EHBP1: variants seen among roughly 807,000 people sequenced by gnomAD.
EHBP1 encodes EH domain binding protein 1.
A neutral mutation model predicts 144.0 loss-of-function variants in EHBP1; 55 were observed. The observed-to-expected ratio is 0.38, with a 90% CI of 0.31 to 0.48. EHBP1 has a LOEUF of 0.48. EHBP1 is among the 20% of genes least tolerant of loss of function. EHBP1 has a pLI of 0.98. For synonymous variants in EHBP1, 469 were observed against 472.7 expected (o/e 0.99, Z 0.10); for missense variants, 1,200 against 1,364.2 (o/e 0.88, Z 1.90).
intron 10 of EHBP1, among the ~76,000 whole-genome samples, chr2:62,908,775 T>C (rs1308763576): frequency 6.6e-6 from 1 of 152,218 alleles, no homozygotes; most frequent in African/African-American, 2.4e-5. Context: ...ATTTATCTCA[T>C]GATTTAAACT....
chr2:62,872,146 T>C (rs1330692222), intron 9 of EHBP1: 1 of 152,140 alleles, frequency 6.6e-6, no homozygotes, highest in Admixed American at 6.5e-5. Flanking sequence ...ATTTTTCCAG[T>C]ATGTTTAAAT....
chr2:62,754,322 C>T (rs756400547), intron 3 of EHBP1, among the ~76,000 whole-genome samples: 1 of 152,146 alleles, frequency 6.6e-6, no homozygotes, highest in Non-Finnish European at 1.5e-5. Flanking sequence ...TGCTGAACAG[C>T]AAATGTTGCT....
chr2:62,873,979 T>G (rs1297959228), intron 9 of EHBP1, among the ~76,000 whole-genome samples: 1 of 152,160 alleles, frequency 6.6e-6, no homozygotes, highest in Non-Finnish European at 1.5e-5. Context: ...GTAACAGAGC[T>G]CGAGCTTAAA....
At chr2:62,824,349 T>G (rs769124971) in intron 5 of EHBP1, among the ~76,000 whole-genome samples, 2 of 152,010 alleles carry the variant, frequency 1.3e-5, no homozygotes, top group Non-Finnish European at 2.9e-5. Flanking sequence ...AAACAGAGGC[T>G]TTAAATCCTA....
At chr2:62,951,029 T>C (rs1488384799) in intron 13 of EHBP1, among the ~76,000 whole-genome samples, 1 of 152,194 alleles carries the variant, frequency 6.6e-6, no homozygotes, top group African/African-American at 2.4e-5. Context: ...GTCTCTGGGA[T>C]TTTCTTCCAA....
chr2:62,715,605 T>C (rs2035596859), intron 2 of EHBP1, among the ~76,000 whole-genome samples: 1 of 152,186 alleles, frequency 6.6e-6, no homozygotes, highest in African/African-American at 2.4e-5. Flanking sequence ...GGGGAATTGA[T>C]GTGTACAACT....
chr2:63,012,802 A>G (rs2060324106), intron 19 of EHBP1, among the ~76,000 whole-genome samples: 1 of 152,168 alleles, frequency 6.6e-6, no homozygotes, highest in South Asian at 2.1e-4. Flanking sequence ...AGCTGTTGAC[A>G]TTCTTTTGGG....
intron 14 of EHBP1, among the ~76,000 whole-genome samples, chr2:62,958,170 G>A (rs770154206): frequency 1.3e-4 from 20 of 152,100 alleles, no homozygotes; most frequent in Non-Finnish European, 2.2e-4. Flanking sequence ...TGCTTATGAA[G>A]CTAAACATAC....
intron 10 of EHBP1, among the ~76,000 whole-genome samples, chr2:62,921,503 C>T (rs2055079352): frequency 6.7e-6 from 1 of 148,800 alleles, no homozygotes; most frequent in South Asian, 2.1e-4. Flanking sequence ...AACAAAAGAA[C>T]ATACGCTAAA....
intron 1 of EHBP1, among the ~76,000 whole-genome samples, chr2:62,696,675 G>A (rs940213156): frequency 6.6e-5 from 10 of 151,272 alleles, no homozygotes; most frequent in South Asian, 2.1e-4. Context: ...CACCAGGCCC[G>A]GCTAATTTTT....
chr2:62,821,202 A>G (rs923117650), intron 5 of EHBP1, among the ~76,000 whole-genome samples: 2 of 152,164 alleles, frequency 1.3e-5, no homozygotes, highest in Non-Finnish European at 2.9e-5. Context: ...AGAAAGGATT[A>G]CATTTCTATC....
rs956822293 is a variant in EHBP1, at chr2:62,899,930, G to A, written c.1185+25398G>A. Among the ~76,000 whole-genome samples, 140 of 152,304 alleles carry A rather than the reference G, an allele frequency of 9.2e-4. 1 individual carries two copies. The highest frequency in any genetic ancestry group is 2.6e-3 in the Admixed American group (39 of 15,294). ...TCGTGAAGTAGATGGAGTGGGTGCT[G>A]TTGTCTCCACTTTACAAATAAAGGT... On this transcript the variant is annotated intron_variant, in intron 10 of 22. Transcript: ENST00000431489.
chr2:62,951,617 C>T lies in EHBP1; in HGVS notation c.2316+2455C>T, dbSNP rs143146664. ...TCACCTCACTGCAACCTTCTCCTCC[C>T]GGGTTCAAGTGATTCTCCTGCCTCA... is the stretch of plus-strand genomic sequence containing the variant. On this transcript the variant is annotated intron_variant, in intron 13 of 22. Transcript: ENST00000431489. 2.1e-3 allele frequency among the ~76,000 whole-genome samples: 323 copies of T among 150,972 alleles called. 1 individual carries two copies. Among genetic ancestry groups the T allele is most frequent in the African/African-American group, 7.2e-3 (297 of 41,044 alleles).
chr2:63,038,651 A>T, intron 20 of EHBP1, 92 bp from the exon 21 acceptor site: 2 of 1,158,250 alleles, frequency 1.7e-6, no homozygotes, highest in Non-Finnish European at 2.6e-6. Context: ...AAAGTCAGTT[A>T]TGAGTCCTAA....
intron 19 of EHBP1, among the ~76,000 whole-genome samples, chr2:62,999,370 A>G (rs1399657074): frequency 6.6e-6 from 1 of 152,228 alleles, no homozygotes; most frequent in East Asian, 1.9e-4. Flanking sequence ...TTGAAAATGC[A>G]TAATTCTGTA....
chr2:62,841,346 G>T (rs1010849123), intron 7 of EHBP1, among the ~76,000 whole-genome samples: 8 of 127,144 alleles, frequency 6.3e-5, no homozygotes, highest in African/African-American at 3.0e-5. Flanking sequence ...GTGGTGGGGT[G>T]GGGGGAGGGG....
chr2:62,905,714 C>G lies in EHBP1; in HGVS notation c.1185+31182C>G, dbSNP rs548017123. On this transcript the variant is annotated intron_variant, in intron 10 of 22. Coordinates refer to ENST00000431489, the MANE Select transcript of EHBP1 (RefSeq NM_001142616.3). The stretch of plus-strand genomic sequence containing the variant: ...TGACACACGCCTGTAATCCCAGCTA[C>G]TTGGGAGGCTGAGGCATGAGAATCA... Among the ~76,000 whole-genome samples, 34 of 152,052 alleles carry G rather than the reference C, an allele frequency of 2.2e-4. No individual in the cohort carries two copies. The South Asian group carries it at 6.2e-3, about 28-fold the overall frequency.
At chr2:62,815,378 G>A (rs1357369012) in intron 5 of EHBP1, among the ~76,000 whole-genome samples, 1 of 151,976 alleles carries the variant, frequency 6.6e-6, no homozygotes, top group East Asian at 1.9e-4. Flanking sequence ...CCCTCACATG[G>A]GTTTCATTTA....
At chr2:62,919,401 G>A (rs1024446678) in intron 10 of EHBP1, among the ~76,000 whole-genome samples, 1 of 152,200 alleles carries the variant, frequency 6.6e-6, no homozygotes, top group Non-Finnish European at 1.5e-5. Context: ...AAGTCACTGT[G>A]TTTGTCCAGG....
Sources: gnomAD v4.1 joint callset for allele counts (sites outside exome capture counted in the v4.1 genomes callset) on GRCh38, gnomAD v4.1.1 for gene constraint, MANE v1.5 for transcripts, NCBI Gene and HGNC (gene_info 2026-07-23, HGNC 2026-07-21) for gene names.